The following PARN variants were observed in gnomAD, a reference collection of about 807,000 sequenced individuals.
PARN encodes poly(A)-specific ribonuclease, also known as poly(A)-specific ribonuclease PARN.
PARN carries 71 observed loss-of-function variants against 102.8 expected under a neutral mutation model. The ratio of observed to expected loss-of-function variants is 0.69; its 90% CI spans 0.57 to 0.84. The LOEUF is 0.84. PARN is among the 40% of genes least tolerant of loss of function. The pLI is 0.00. For missense variants in PARN, 782 were observed against 760.9 expected, an observed-to-expected ratio of 1.03 and a Z score of -0.33; for synonymous variants, 261 against 252.9, an observed-to-expected ratio of 1.03 and a Z score of -0.30.
At chr16:14,587,123 A>G (rs1331889323) in intron 13 of PARN, among the ~76,000 whole-genome samples, 2 of 152,186 alleles carry the variant, frequency 1.3e-5, no homozygotes, top group African/African-American at 4.8e-5. Flanking sequence ...TTCATAGGAA[A>G]CTGCTGTTTC....
intron 22 of PARN, among the ~76,000 whole-genome samples, chr16:14,448,838 T>C (rs1961317071): frequency 1.3e-5 from 2 of 152,202 alleles, no homozygotes; most frequent in Non-Finnish European, 2.9e-5. Flanking sequence ...CTCTTTTTCA[T>C]TTCTATTATA....
chr16:14,553,256 T>TA (rs58411352), intron 20 of PARN, among the ~76,000 whole-genome samples: 48 of 117,442 alleles, frequency 4.1e-4, no homozygotes, highest in African/African-American at 1.3e-3. Flanking sequence ...TATTTCTATT[T>TA]AAAAAAAAAA....
At chr16:14,571,834 A>T (rs773677307) in intron 18 of PARN, among the ~76,000 whole-genome samples, 10 of 152,228 alleles carry the variant, frequency 6.6e-5, no homozygotes, top group African/African-American at 2.4e-4. Context: ...AACTTGCCCA[A>T]GATCACACAG....
intron 17 of PARN, 45 bp from the exon 18 acceptor site, chr16:14,580,988 G>A (rs1227973402): frequency 7.6e-6 from 9 of 1,188,916 alleles, no homozygotes; most frequent in Non-Finnish European, 1.1e-5. Context: ...TAGTCACATA[G>A]ACCAAGCCTG....
At chr16:14,594,440 G>A (rs959210017) in intron 12 of PARN, among the ~76,000 whole-genome samples, 24 of 152,166 alleles carry the variant, frequency 1.6e-4, no homozygotes, top group African/African-American at 4.6e-4. Flanking sequence ...GGGGCCGGGC[G>A]TGGTGGCTCA....
chr16:14,628,317 C>T, intron 2 of PARN, 66 bp from the exon 3 acceptor site: 1 of 837,550 alleles, frequency 1.2e-6, no homozygotes, highest in South Asian at 1.5e-5. Context: ...GCCAGTCAAT[C>T]ATTCAGTGCC....
At chr16:14,607,218 TA>T (rs1403019141) in intron 9 of PARN, among the ~76,000 whole-genome samples, 3 of 152,278 alleles carry the variant, frequency 2.0e-5, no homozygotes, top group Admixed American at 2.0e-4. Context: ...TTTATTTATT[TA>T]TTTTTTTGAG....
intron 22 of PARN, among the ~76,000 whole-genome samples, chr16:14,462,325 AC>A (rs1962034078): frequency 6.6e-6 from 1 of 152,204 alleles, no homozygotes; most frequent in Admixed American, 6.5e-5. Context: ...CAAGAAATGA[AC>A]AAATAGATGA....
intron 11 of PARN, chr16:14,602,216 A>G (rs894534589): frequency 6.6e-6 from 1 of 152,144 alleles, no homozygotes; most frequent in Non-Finnish European, 1.5e-5. Flanking sequence ...GGGAGCTGAC[A>G]TTGCTGACTG....
intron 21 of PARN, among the ~76,000 whole-genome samples, chr16:14,506,932 T>C (rs1370937954): frequency 6.6e-6 from 1 of 151,968 alleles, no homozygotes; most frequent in Non-Finnish European, 1.5e-5. Context: ...TCTCTCTCAG[T>C]AGTAATCAAA....
Position 14,554,106 on chromosome 16 carries a change from T to C in PARN, c.1364A>G (p.Glu455Gly). 3.1e-6 allele frequency: 5 copies of C among 1,613,506 alleles called. No homozygotes were observed. The highest frequency in any genetic ancestry group is 2.2e-5 in the South Asian group (2 of 90,900). ...CTGGTAAAGGTCGCTGGTTTTCCATTCTTTGGGGAATGTCACATGGAGAAC... is the reference window on the plus strand; with the variant it reads ...CTGGTAAAGGTCGCTGGTTTTCCATCCTTTGGGGAATGTCACATGGAGAAC... ...DHVLHVTFPK[E>G]WKTSDLYQLF... Residue 455 changes from glutamate (E) to glycine (G), a missense_variant, in exon 20 of 24, where the codon GAA becomes GGA. Glu to Gly is a moderately conservative substitution (Grantham distance 98, BLOSUM62 -2). Transcript: ENST00000437198.
At chr16:14,481,980 GGCA>G (rs1238623157) in intron 22 of PARN, among the ~76,000 whole-genome samples, 1 of 152,194 alleles carries the variant, frequency 6.6e-6, no homozygotes, top group East Asian at 1.9e-4. Context: ...ATCAGGCAGA[GGCA>G]GCAGTACTGA....
chr16:14,521,249 TC>T (rs1241243092), intron 21 of PARN, among the ~76,000 whole-genome samples: 1 of 152,158 alleles, frequency 6.6e-6, no homozygotes, highest in Non-Finnish European at 1.5e-5. Flanking sequence ...CCCCTTCTTT[TC>T]CCTTTAGAAT....
intron 21 of PARN, among the ~76,000 whole-genome samples, chr16:14,495,924 G>A (rs1964290659): frequency 6.6e-6 from 1 of 152,150 alleles, no homozygotes; most frequent in Non-Finnish European, 1.5e-5. Flanking sequence ...GGTCAGGGGA[G>A]GGGAGGGATC....
At position 14,482,641 on chromosome 16, in the gene PARN, T is replaced by C. The variant is rs762930640; in HGVS notation, c.1667A>G (p.Asn556Ser). The C allele has an allele frequency of 1.9e-6, 3 of 1,597,654 alleles. No homozygotes were observed. The highest frequency in any genetic ancestry group is 2.2e-5 in the East Asian group (1 of 44,534). The change falls in exon 22 of 24, where the codon AAT (asparagine) becomes AGT (serine). Residue 556 changes from asparagine to serine, a missense_variant. Coordinates refer to ENST00000437198, the MANE Select transcript of PARN (RefSeq NM_002582.4). ...ATTAACAGCTGAGAGCTCTTACCTA[T>C]TGTTGCGGTAATAGTGATTCTGCAG... is the stretch of plus-strand genomic sequence containing the variant. ...YTLQNHYYRN[N>S]SFTAPSTVGK...
In PARN at chr16:14,482,662, T is replaced by C; in HGVS notation, c.1646A>G (p.Gln549Arg). The C allele has an allele frequency of 6.2e-7, 1 of 1,608,556 alleles. No individual in the cohort carries two copies. Among genetic ancestry groups the C allele is most frequent in the Non-Finnish European group, 8.5e-7 (1 of 1,178,136 alleles). ...CCTATTGTTGCGGTAATAGTGATTC[T>C]GCAGGGTGTAGGGTATGCACTGGGG... ...LNPQCIPYTL[Q>R]NHYYRNNSFT... is the part of the protein sequence containing the mutation. Residue 549 changes from glutamine to arginine, a missense_variant, in exon 22 of 24, where the codon CAG becomes CGG. Transcript: ENST00000437198.
At chr16:14,499,855 T>C (rs1385155851) in intron 21 of PARN, among the ~76,000 whole-genome samples, 2 of 152,146 alleles carry the variant, frequency 1.3e-5, no homozygotes, top group African/African-American at 4.8e-5. Flanking sequence ...AAAAAATGTT[T>C]TAAATAAAAA....
At chr16:14,543,851 A>T (rs1438553068) in intron 21 of PARN, among the ~76,000 whole-genome samples, 5 of 152,244 alleles carry the variant, frequency 3.3e-5, no homozygotes, top group Non-Finnish European at 7.3e-5. Context: ...AAGGACATTA[A>T]ATTGGACTAA....
intron 18 of PARN, among the ~76,000 whole-genome samples, chr16:14,566,454 C>T (rs1968437298): frequency 6.6e-6 from 1 of 152,178 alleles, no homozygotes; most frequent in Non-Finnish European, 1.5e-5. Flanking sequence ...TTCCCCAGAG[C>T]CTCTGGAGGG....
Sources: allele counts gnomAD v4.1 joint callset (sites outside exome capture counted in the v4.1 genomes callset), GRCh38; gene constraint gnomAD v4.1.1; transcripts MANE v1.5; gene names NCBI Gene and HGNC (gene_info 2026-07-23, HGNC 2026-07-21).